Variants in PPP4R3A observed in about 807,000 individuals in gnomAD.
PPP4R3A encodes protein phosphatase 4 regulatory subunit 3A.
Under a neutral mutation model 91.7 loss-of-function variants are expected in PPP4R3A, and 15 were observed. The ratio of observed to expected loss-of-function variants is 0.16; its 90% confidence interval spans 0.11 to 0.25. The LOEUF (loss-of-function observed/expected upper bound fraction) is 0.25, where lower values mean the gene tolerates loss of function less well. PPP4R3A is among the 10% of genes least tolerant of loss of function. The pLI, the probability that PPP4R3A is intolerant of heterozygous loss-of-function variation, is 1.00. For synonymous variants in PPP4R3A, 377 were observed against 348.7 expected (o/e 1.08, Z -0.91); for missense variants, 623 against 998.4 (o/e 0.62, Z 5.07).
chr14:91,500,556 T>A (rs1050208149), intron 1 of PPP4R3A, among the ~76,000 whole-genome samples: 30 of 152,144 alleles, frequency 2.0e-4, no homozygotes, highest in Non-Finnish European at 1.2e-4. Context: ...AACACTGTAC[T>A]GTTGTATAGC....
intron 10 of PPP4R3A, among the ~76,000 whole-genome samples, chr14:91,467,910 A>C (rs1176051828): frequency 6.6e-6 from 1 of 152,240 alleles, no homozygotes; most frequent in Non-Finnish European, 1.5e-5. Context: ...CCTTTAAAAA[A>C]TACTATACCT....
intron 5 of PPP4R3A, 106 bp from the exon 6 acceptor site, chr14:91,476,630 A>C: frequency 2.4e-6 from 2 of 818,010 alleles, no homozygotes; most frequent in Admixed American, 2.9e-5. Context: ...CAATGGCACG[A>C]TCTTGGCTCA....
At chr14:91,477,134 G>GA (rs1165903520) in intron 4 of PPP4R3A, 148 bp from the exon 5 acceptor site, 13 of 585,818 alleles carry the variant, frequency 2.2e-5, no homozygotes, top group African/African-American at 2.2e-4. Context: ...TTAACAGAAG[G>GA]AAAAACCACA....
At chr14:91,480,318 G>A (rs12589936) in intron 4 of PPP4R3A, among the ~76,000 whole-genome samples, 74,735 of 151,916 alleles carry the variant, frequency 0.49, 18,715 homozygotes, top group Admixed American at 0.53. Flanking sequence ...TGGGGAAACC[G>A]AAGCTTTAAG....
At chr14:91,465,168 T>A in intron 11 of PPP4R3A, 82 bp downstream of exon 11, 1 of 1,089,334 alleles carries the variant, frequency 9.2e-7, no homozygotes, top group Non-Finnish European at 1.2e-6. Context: ...TATTATCATC[T>A]CAAGCCAAAA....
At chr14:91,493,241 T>A (rs1034762018) in intron 1 of PPP4R3A, among the ~76,000 whole-genome samples, 8 of 143,318 alleles carry the variant, frequency 5.6e-5, no homozygotes, top group African/African-American at 2.4e-4. Flanking sequence ...ATACAAAAAT[T>A]AGCCGGGCAT....
intron 9 of PPP4R3A, 95 bp from the exon 10 acceptor site, chr14:91,471,090 CTAT>C (rs1457583601): frequency 1.7e-6 from 2 of 1,181,834 alleles, no homozygotes; most frequent in Non-Finnish European, 2.3e-6. Context: ...AAAATCTCTT[CTAT>C]TAACCTAAAT....
At chr14:91,469,907 T>G (rs928064156) in intron 10 of PPP4R3A, among the ~76,000 whole-genome samples, 1 of 149,504 alleles carries the variant, frequency 6.7e-6, no homozygotes, top group African/African-American at 2.4e-5. Context: ...AATTTATAAT[T>G]ATTTTAATAA....
chr14:91,475,723 A>C, intron 7 of PPP4R3A, 88 bp downstream of exon 7: 2 of 1,315,274 alleles, frequency 1.5e-6, no homozygotes, highest in Non-Finnish European at 2.1e-6. Flanking sequence ...TTTCCCAAAC[A>C]GCAACAATTA....
At chr14:91,502,119 G>A (rs1010256696) in intron 1 of PPP4R3A, among the ~76,000 whole-genome samples, 12 of 151,940 alleles carry the variant, frequency 7.9e-5, no homozygotes, top group Non-Finnish European at 1.5e-4. Context: ...TTACATAGTG[G>A]CATTTAAAAA....
chr14:91,475,998 T>A lies in PPP4R3A; in HGVS notation c.1111-32A>T, dbSNP rs10145724. The A allele has an allele frequency of 0.85, 1,282,999 of 1,507,226 alleles. 547,387 individuals carry two copies. Among genetic ancestry groups the A allele is most frequent in the East Asian group, 0.97 (41,622 of 42,862 alleles). 93.4% of individuals were successfully genotyped at this position (1,507,226 alleles called of 1,614,324 possible). ...ACAAAAAACATTTATTTTTCCTGTATTTATAAAAATACGGAACCTATAGCT... is the reference window on the plus strand; with the variant it reads ...ACAAAAAACATTTATTTTTCCTGTAATTATAAAAATACGGAACCTATAGCT... On this transcript the variant is annotated intron_variant, in intron 6 of 14. Transcript: ENST00000554943.
At chr14:91,485,386 T>C (rs1889821364) in intron 3 of PPP4R3A, among the ~76,000 whole-genome samples, 1 of 152,214 alleles carries the variant, frequency 6.6e-6, no homozygotes, top group Admixed American at 6.5e-5. Context: ...TTTGAGATGC[T>C]AGTGAACATG....
At chr14:91,479,924 T>G (rs916883468) in intron 4 of PPP4R3A, among the ~76,000 whole-genome samples, 3 of 152,228 alleles carry the variant, frequency 2.0e-5, no homozygotes, top group African/African-American at 7.2e-5. Context: ...TATAAGCCAC[T>G]AGGCCCAGCC....
intron 3 of PPP4R3A, among the ~76,000 whole-genome samples, chr14:91,482,936 C>G (rs1456819031): frequency 5.9e-5 from 9 of 152,160 alleles, no homozygotes; most frequent in African/African-American, 2.2e-4. Flanking sequence ...CAAAAAAGGT[C>G]TGCTGAAGGT....
rs1376426062 is a variant in PPP4R3A, at chr14:91,487,715, TTTTTTTTG to T, written c.199-1993_199-1986del. On this transcript the variant is annotated intron_variant, in intron 2 of 14. Transcript: ENST00000554943. ...TCTCACTAGGCAAGGACACTTCTGT[TTTTTTTTG>T]TTTGTTTGTTTTTTGAGATGGTGTC... Among the ~76,000 whole-genome samples, 5 of 39,824 alleles carry T rather than the reference TTTTTTTTG, an allele frequency of 1.3e-4. No individual in the cohort carries two copies. In the South Asian group the frequency reaches 2.9e-3, roughly 23 times the overall value. The allele number at this position is 39,824 out of a possible 152,430, so 26.1% of individuals were successfully genotyped here.
At chr14:91,469,911 TTAA>T (rs1463831597) in intron 10 of PPP4R3A, among the ~76,000 whole-genome samples, 4 of 148,420 alleles carry the variant, frequency 2.7e-5, no homozygotes, top group Non-Finnish European at 4.4e-5. Context: ...TATAATTATT[TTAA>T]TAATATGTAA....
chr14:91,497,384 C>A (rs1019072126), intron 1 of PPP4R3A, among the ~76,000 whole-genome samples: 3 of 149,360 alleles, frequency 2.0e-5, no homozygotes, highest in Non-Finnish European at 4.4e-5. Flanking sequence ...ACACACGATA[C>A]CTTTTCCCAC....
intron 2 of PPP4R3A, among the ~76,000 whole-genome samples, chr14:91,488,474 G>A (rs1890031285): frequency 6.6e-6 from 1 of 152,158 alleles, no homozygotes; most frequent in Non-Finnish European, 1.5e-5. Context: ...ATCTGATCCA[G>A]ACTGAGTGGC....
intron 1 of PPP4R3A, among the ~76,000 whole-genome samples, chr14:91,496,712 C>T (rs1045141306): frequency 1.3e-5 from 2 of 152,124 alleles, no homozygotes; most frequent in Non-Finnish European, 2.9e-5. Context: ...CAGTTTTGGT[C>T]TAGGAAGTCC....
Sources: gnomAD v4.1 joint callset for allele counts (sites outside exome capture counted in the v4.1 genomes callset) on GRCh38, gnomAD v4.1.1 for gene constraint, MANE v1.5 for transcripts, NCBI Gene and HGNC (gene_info 2026-07-23, HGNC 2026-07-21) for gene names.